LRRTM4: variants seen among roughly 807,000 people sequenced by gnomAD.
LRRTM4 encodes the protein leucine-rich repeat transmembrane neuronal protein 4.
A neutral mutation model predicts 47.6 loss-of-function variants in LRRTM4; 25 were observed. The ratio of observed to expected loss-of-function variants is 0.53; its 90% confidence interval spans 0.38 to 0.73. The LOEUF (loss-of-function observed/expected upper bound fraction) is 0.73. LRRTM4 is among the 30% of genes least tolerant of loss of function. The pLI, the probability that LRRTM4 is intolerant of heterozygous loss-of-function variation, is 0.00. For synonymous variants in LRRTM4, 311 were observed against 269.5 expected (o/e 1.15, Z -1.51); for missense variants, 638 against 713.4 (o/e 0.89, Z 1.20).
intron 3 of LRRTM4, among the ~76,000 whole-genome samples, chr2:77,172,426 C>A (rs1222827327): frequency 6.6e-6 from 1 of 151,980 alleles, no homozygotes; most frequent in Admixed American, 6.6e-5. Flanking sequence ...GAAACCCCGT[C>A]TCTAGTAAAA....
chr2:77,448,977 G>T (rs1056551831), intron 3 of LRRTM4, among the ~76,000 whole-genome samples: 6 of 152,118 alleles, frequency 3.9e-5, no homozygotes, highest in Admixed American at 3.3e-4. Flanking sequence ...TTGATCATAG[G>T]TATATCAGAA....
chr2:77,175,322 C>G (rs1173032577), intron 3 of LRRTM4, among the ~76,000 whole-genome samples: 1 of 152,036 alleles, frequency 6.6e-6, no homozygotes, highest in African/African-American at 2.4e-5. Context: ...GATCCAAGGT[C>G]TAAAACCCCT....
chr2:77,513,392 A>T (rs1307199163), intron 3 of LRRTM4, among the ~76,000 whole-genome samples: 2 of 152,112 alleles, frequency 1.3e-5, no homozygotes, highest in Non-Finnish European at 2.9e-5. Flanking sequence ...TTGTGTTGGG[A>T]AACACTGTGC....
chr2:77,041,335 C>A (rs980580643), intron 3 of LRRTM4, among the ~76,000 whole-genome samples: 3 of 151,512 alleles, frequency 2.0e-5, no homozygotes, highest in Non-Finnish European at 3.0e-5. Flanking sequence ...GATTGATAGA[C>A]ACTTAGGTTG....
rs529561281 is a variant in LRRTM4, at chr2:76,946,701, A to G, written c.1552-197785T>C. ...GCCTAGCCAGTTTCCACAACATTGTAGACATGTAACAGATGTTACATAGCA... is the reference window on the plus strand; with the variant it reads ...GCCTAGCCAGTTTCCACAACATTGTGGACATGTAACAGATGTTACATAGCA... On this transcript the variant is annotated intron_variant, in intron 3 of 3. Transcript: ENST00000409884. Among the ~76,000 whole-genome samples, 82 of 152,032 alleles carry G rather than the reference A, an allele frequency of 5.4e-4. 1 individual carries two copies. The highest frequency in any genetic ancestry group is 3.4e-3 in the Middle Eastern group (1 of 294).
chr2:77,278,702 G>A (rs1485588217), intron 3 of LRRTM4, among the ~76,000 whole-genome samples: 2 of 152,006 alleles, frequency 1.3e-5, no homozygotes, highest in Non-Finnish European at 2.9e-5. Flanking sequence ...ATGTGTGAGA[G>A]ATAAAGCTAC....
At chr2:76,918,807 T>C (rs1029328789) in intron 3 of LRRTM4, among the ~76,000 whole-genome samples, 3 of 152,076 alleles carry the variant, frequency 2.0e-5, no homozygotes, top group African/African-American at 7.2e-5. Context: ...TCAGAAGAAA[T>C]CCTTAGAAAG....
intron 3 of LRRTM4, among the ~76,000 whole-genome samples, chr2:77,227,511 A>G (rs979370513): frequency 6.6e-6 from 1 of 152,102 alleles, no homozygotes; most frequent in Non-Finnish European, 1.5e-5. Context: ...TTGGCAATTA[A>G]TCAAGGAGTT....
chr2:77,183,775 C>A (rs1288938225), intron 3 of LRRTM4, among the ~76,000 whole-genome samples: 1 of 152,126 alleles, frequency 6.6e-6, no homozygotes, highest in African/African-American at 2.4e-5. Context: ...AGTTCATGTC[C>A]TTTGTAGGGA....
intron 3 of LRRTM4, among the ~76,000 whole-genome samples, chr2:77,322,656 G>A (rs1466364380): frequency 6.6e-6 from 1 of 151,592 alleles, no homozygotes; most frequent in Non-Finnish European, 1.5e-5. Flanking sequence ...GTAAAAATAA[G>A]CTTCACAGAT....
chr2:76,955,878 A>G (rs762239113), intron 3 of LRRTM4, among the ~76,000 whole-genome samples: 1 of 151,672 alleles, frequency 6.6e-6, no homozygotes, highest in Non-Finnish European at 1.5e-5. Flanking sequence ...TAAGTCTCCC[A>G]CTCTATGGTA....
At chr2:77,250,963 C>A (rs1193027381) in intron 3 of LRRTM4, among the ~76,000 whole-genome samples, 1 of 151,818 alleles carries the variant, frequency 6.6e-6, no homozygotes, top group Non-Finnish European at 1.5e-5. Context: ...ATCAGCTGGG[C>A]ATGGTGGTGC....
intron 3 of LRRTM4, among the ~76,000 whole-genome samples, chr2:77,445,102 AAGGCAATT>A (rs2103938607): frequency 6.6e-6 from 1 of 152,058 alleles, no homozygotes; most frequent in South Asian, 2.1e-4. Flanking sequence ...CATCTTCTAT[AAGGCAATT>A]GTGTATGATT....
In LRRTM4 at chr2:76,771,641, G is replaced by GA. The variant is rs748214529; in HGVS notation, c.1552-22726dup. On this transcript the variant is annotated intron_variant, in intron 3 of 3. Transcript: ENST00000409884. ...ACCTCAAATTCTTGCCAGGTGAACAGAAAAAAAAAAAAAAAAGAAAAAGAA... is the reference window on the plus strand; with the variant it reads ...ACCTCAAATTCTTGCCAGGTGAACAGAAAAAAAAAAAAAAAAAGAAAAAGAA... Among the ~76,000 whole-genome samples, 657 of 69,554 alleles carry GA rather than the reference G, an allele frequency of 9.4e-3. 4 individuals are homozygous for GA. The highest frequency in any genetic ancestry group is 0.027 in the African/African-American group (462 of 16,854). 45.6% of individuals were successfully genotyped at this position (69,554 alleles called of 152,430 possible).
chr2:76,786,147 A>G (rs1300164144), intron 3 of LRRTM4, among the ~76,000 whole-genome samples: 1 of 152,140 alleles, frequency 6.6e-6, no homozygotes, highest in African/African-American at 2.4e-5. Context: ...TTGATAGGAA[A>G]AGAAGTACAA....
chr2:76,854,102 A>G (rs1241416883), intron 3 of LRRTM4, among the ~76,000 whole-genome samples: 1 of 152,104 alleles, frequency 6.6e-6, no homozygotes, highest in East Asian at 1.9e-4. Context: ...TTTCCTGGCA[A>G]CGAATTCTTG....
chr2:77,420,287 G>T (rs1046951729), intron 3 of LRRTM4, among the ~76,000 whole-genome samples: 2 of 152,172 alleles, frequency 1.3e-5, no homozygotes, highest in Non-Finnish European at 2.9e-5. Flanking sequence ...CATAAAGCCA[G>T]CAAGACAGAA....
At chr2:77,101,129 A>G (rs1416737612) in intron 3 of LRRTM4, among the ~76,000 whole-genome samples, 1 of 151,998 alleles carries the variant, frequency 6.6e-6, no homozygotes, top group African/African-American at 2.4e-5. Flanking sequence ...TTTTTTAGTT[A>G]ATCTTACCAT....
intron 3 of LRRTM4, among the ~76,000 whole-genome samples, chr2:77,017,436 A>G (rs1678107961): frequency 6.6e-6 from 1 of 152,188 alleles, no homozygotes; most frequent in African/African-American, 2.4e-5. Context: ...AATTTTAAGA[A>G]AACTATAAAA....
Sources: allele counts gnomAD v4.1 joint callset (sites outside exome capture counted in the v4.1 genomes callset), GRCh38; gene constraint gnomAD v4.1.1; transcripts MANE v1.5; gene names NCBI Gene and HGNC (gene_info 2026-07-23, HGNC 2026-07-21).